The following ASAP1 variants were observed in gnomAD, a reference collection of about 807,000 sequenced individuals.
ASAP1 encodes the protein ArfGAP with SH3 domain, ankyrin repeat and PH domain 1, also known as arf-GAP with SH3 domain, ANK repeat and PH domain-containing protein 1.
In ASAP1, 43 loss-of-function variants were observed where a neutral mutation model predicts 145.2. That is an observed-to-expected ratio of 0.30 (90% CI 0.23 to 0.38). The LOEUF (loss-of-function observed/expected upper bound fraction) is 0.38. Ranked by LOEUF, ASAP1 falls within the 10% of genes least tolerant of loss-of-function variation. The pLI, the probability that ASAP1 is intolerant of heterozygous loss-of-function variation, is 1.00. For synonymous variants in ASAP1, 546 were observed against 515.5 expected (o/e 1.06, Z -0.80); for missense variants, 1,018 against 1,355.3 (o/e 0.75, Z 3.91).
At chr8:130,441,334 T>C (rs1402158159) in intron 1 of ASAP1, among the ~76,000 whole-genome samples, 1 of 152,180 alleles carries the variant, frequency 6.6e-6, no homozygotes, top group Admixed American at 6.5e-5. Flanking sequence ...AGGTAACATG[T>C]CTAGGGCATA....
Position 130,112,811 on chromosome 8 carries a change from A to T in ASAP1, c.2173-489T>A, listed in dbSNP as rs373988882. Among the ~76,000 whole-genome samples the T allele has an allele frequency of 2.7e-3, 413 of 152,302 alleles. 4 individuals carry two copies. The highest frequency in any genetic ancestry group is 9.8e-3 in the African/African-American group (407 of 41,568). On this transcript the variant is annotated intron_variant, in intron 23 of 29. Coordinates refer to ENST00000518721, the MANE Select transcript of ASAP1 (RefSeq NM_018482.4). ...ACTGCCCGCTACACAATAATTACTT[A>T]CAGATCTGTAAATACAACCCCAGTG...
intron 5 of ASAP1, among the ~76,000 whole-genome samples, chr8:130,208,412 C>T (rs1361444176): frequency 6.6e-6 from 1 of 152,234 alleles, no homozygotes; most frequent in Non-Finnish European, 1.5e-5. Context: ...TCAGGTTACA[C>T]TGCTGCTCCC....
chr8:130,175,022 T>C (rs973513444), intron 9 of ASAP1, among the ~76,000 whole-genome samples: 3 of 152,232 alleles, frequency 2.0e-5, no homozygotes, highest in African/African-American at 7.2e-5. Flanking sequence ...CAAACTGTTT[T>C]CCAAAGAAGT....
chr8:130,301,509 T>C (rs190453102), intron 3 of ASAP1, among the ~76,000 whole-genome samples: 105 of 152,344 alleles, frequency 6.9e-4, no homozygotes, highest in Admixed American at 1.6e-3. Flanking sequence ...ATATAGTGGT[T>C]GAATGAATGA....
chr8:130,212,389 G>GT (rs1816639730), intron 5 of ASAP1, among the ~76,000 whole-genome samples: 1 of 152,194 alleles, frequency 6.6e-6, no homozygotes, highest in South Asian at 2.1e-4. Flanking sequence ...GTAGCTTGAG[G>GT]TATGTATATG....
chr8:130,163,615 G>GC (rs2097674071), intron 11 of ASAP1, among the ~76,000 whole-genome samples: 1 of 152,176 alleles, frequency 6.6e-6, no homozygotes, highest in Admixed American at 6.5e-5. Flanking sequence ...TGGCCATTCA[G>GC]CTTGCTAAGC....
chr8:130,233,176 T>C (rs1163105334), intron 4 of ASAP1, among the ~76,000 whole-genome samples: 2 of 152,192 alleles, frequency 1.3e-5, no homozygotes, highest in African/African-American at 4.8e-5. Flanking sequence ...GAAACTACTA[T>C]TGGTGGTCTC....
intron 1 of ASAP1, among the ~76,000 whole-genome samples, chr8:130,421,189 A>T (rs1208044421): frequency 1.3e-5 from 2 of 152,162 alleles, no homozygotes; most frequent in Non-Finnish European, 2.9e-5. Context: ...CTGGGTGCAT[A>T]ACAACAACAA....
chr8:130,333,428 C>T (rs1163941037), intron 3 of ASAP1, among the ~76,000 whole-genome samples: 3 of 152,044 alleles, frequency 2.0e-5, no homozygotes, highest in Admixed American at 6.5e-5. Context: ...ATGGTGAAAC[C>T]CTGTCTCTAC....
intron 2 of ASAP1, among the ~76,000 whole-genome samples, chr8:130,359,093 T>G (rs961899780): frequency 3.9e-5 from 6 of 152,168 alleles, no homozygotes; most frequent in Non-Finnish European, 7.4e-5. Flanking sequence ...TGCAGGGTGC[T>G]CCTCACCGCT....
At chr8:130,297,252 C>T (rs1002182786) in intron 3 of ASAP1, among the ~76,000 whole-genome samples, 15 of 152,138 alleles carry the variant, frequency 9.9e-5, no homozygotes, top group African/African-American at 3.6e-4. Context: ...TCGTCTCCCC[C>T]CATGCATCAA....
intron 1 of ASAP1, among the ~76,000 whole-genome samples, chr8:130,406,368 C>T (rs762124565): frequency 2.0e-4 from 30 of 152,266 alleles, no homozygotes; most frequent in Non-Finnish European, 3.2e-4. Flanking sequence ...AGATCCTGTA[C>T]TCTAACAGTA....
At chr8:130,328,876 T>C (rs1213154670) in intron 3 of ASAP1, among the ~76,000 whole-genome samples, 1 of 152,144 alleles carries the variant, frequency 6.6e-6, no homozygotes, top group African/African-American at 2.4e-5. Flanking sequence ...GCAAGCCTCC[T>C]ACCTCAGCCT....
intron 3 of ASAP1, among the ~76,000 whole-genome samples, chr8:130,313,833 T>C (rs998108264): frequency 6.6e-6 from 1 of 152,158 alleles, no homozygotes; most frequent in Non-Finnish European, 1.5e-5. Context: ...GGAAAGGGAA[T>C]GAATCCCCCA....
chr8:130,062,374 T>A (rs988816461), intron 27 of ASAP1, among the ~76,000 whole-genome samples: 56 of 152,242 alleles, frequency 3.7e-4, no homozygotes, highest in African/African-American at 6.8e-4. Flanking sequence ...GCTCATGACC[T>A]GTCTAGTCAT....
At chr8:130,250,487 G>C (rs944167672) in intron 3 of ASAP1, among the ~76,000 whole-genome samples, 3 of 152,244 alleles carry the variant, frequency 2.0e-5, no homozygotes, top group Middle Eastern at 3.4e-3. Context: ...CCTAGTTTCT[G>C]AGAACAGAAG....
At chr8:130,353,293 C>T (rs536747945) in intron 3 of ASAP1, among the ~76,000 whole-genome samples, 366 of 152,274 alleles carry the variant, frequency 2.4e-3, no homozygotes, top group Non-Finnish European at 3.8e-3. Context: ...ATGCTGTTCA[C>T]GGATTATACT....
At chr8:130,237,720 T>G (rs954445989) in intron 3 of ASAP1, among the ~76,000 whole-genome samples, 37 of 152,076 alleles carry the variant, frequency 2.4e-4, no homozygotes, top group African/African-American at 8.7e-4. Flanking sequence ...CCATTGTGTT[T>G]AGTTTGTTAA....
intron 3 of ASAP1, among the ~76,000 whole-genome samples, chr8:130,246,559 G>A (rs1383184933): frequency 6.6e-6 from 1 of 152,154 alleles, no homozygotes; most frequent in East Asian, 1.9e-4. Flanking sequence ...CAGCGGCCTT[G>A]TGAAGAAGGT....
Sources: gnomAD v4.1 joint callset for allele counts (sites outside exome capture counted in the v4.1 genomes callset) on GRCh38, gnomAD v4.1.1 for gene constraint, MANE v1.5 for transcripts, NCBI Gene and HGNC (gene_info 2026-07-23, HGNC 2026-07-21) for gene names.